Variants in EIPR1 observed in about 807,000 individuals in gnomAD.
The protein encoded by EIPR1 is EARP complex and GARP complex interacting protein 1.
In EIPR1, 25 loss-of-function variants were observed where a neutral mutation model predicts 48.1. That is an observed-to-expected ratio of 0.52 (90% CI 0.38 to 0.73). EIPR1 has a LOEUF of 0.73. Among genes scored for constraint, EIPR1 ranks in the 30% least tolerant of loss-of-function variants. EIPR1 has a pLI of 0.00. For missense variants in EIPR1, 415 were observed against 506.2 expected (o/e 0.82, Z 1.73); for synonymous variants, 204 against 201.9 (o/e 1.01, Z -0.09).
At chr2:3,199,304 C>A (rs1458610238) in intron 5 of EIPR1, among the ~76,000 whole-genome samples, 1 of 152,074 alleles carries the variant, frequency 6.6e-6, no homozygotes, top group Admixed American at 6.5e-5. Flanking sequence ...GCTTTACGAA[C>A]AATGTGTGCA....
intron 4 of EIPR1, among the ~76,000 whole-genome samples, chr2:3,227,528 T>C (rs947298030): frequency 1.1e-4 from 16 of 152,144 alleles, no homozygotes; most frequent in African/African-American, 3.6e-4. Flanking sequence ...GACTATGTAA[T>C]AGAAAAGAAA....
chr2:3,289,122 G>A (rs1388457859), intron 3 of EIPR1, among the ~76,000 whole-genome samples: 2 of 152,182 alleles, frequency 1.3e-5, no homozygotes, highest in African/African-American at 2.4e-5. Context: ...CTCCCCACCG[G>A]TTTCAGGGGA....
chr2:3,287,866 C>G lies in EIPR1; in HGVS notation c.260-30411G>C, dbSNP rs34403688. On this transcript the variant is annotated intron_variant, in intron 3 of 8. Transcript: ENST00000382125. Reference sequence around the variant, plus strand: ...CACCATGCTCCAGAAAGCTCATTCACCATGCTCCAGAAAGCTCATTCGGCA... The same window carrying G: ...CACCATGCTCCAGAAAGCTCATTCAGCATGCTCCAGAAAGCTCATTCGGCA... 7.8e-3 allele frequency among the ~76,000 whole-genome samples: 1,122 copies of G among 143,218 alleles called. 17 individuals are homozygous for G. Among genetic ancestry groups the G allele is most frequent in the African/African-American group, 0.014 (519 of 37,172 alleles). 94.0% of individuals were successfully genotyped at this position (143,218 alleles called of 152,430 possible). A position where few individuals can be genotyped will look rare whatever the true frequency, so the allele number is the denominator to read the frequency against.
chr2:3,309,063 G>A (rs1003221138), intron 3 of EIPR1, among the ~76,000 whole-genome samples: 2 of 152,104 alleles, frequency 1.3e-5, no homozygotes, highest in African/African-American at 4.8e-5. Flanking sequence ...ACAACGAATG[G>A]GCAAAAACCA....
chr2:3,202,646 C>T (rs577782949), intron 5 of EIPR1, among the ~76,000 whole-genome samples: 1 of 152,260 alleles, frequency 6.6e-6, no homozygotes, highest in South Asian at 2.1e-4. Context: ...AGGGGAAGGC[C>T]CGAAATCTTG....
At chr2:3,377,233 G>A (rs1333354237) in intron 1 of EIPR1, 2 of 176,820 alleles carry the variant, frequency 1.1e-5, no homozygotes, top group Non-Finnish European at 2.4e-5. Flanking sequence ...GGGTAAAGAA[G>A]AACTTTCTAT....
chr2:3,269,623 T>C (rs1400871290), intron 3 of EIPR1, among the ~76,000 whole-genome samples: 1 of 132,618 alleles, frequency 7.5e-6, no homozygotes, highest in African/African-American at 2.8e-5. Flanking sequence ...ATCACAATCA[T>C]CGCACTCAAT....
intron 3 of EIPR1, among the ~76,000 whole-genome samples, chr2:3,290,137 G>A (rs1294937248): frequency 6.6e-6 from 1 of 152,242 alleles, no homozygotes; most frequent in Non-Finnish European, 1.5e-5. Context: ...AGGGCAAGGT[G>A]TGTAGCTGGT....
rs73909796 is a variant in EIPR1 at position 3,235,643 on chromosome 2, T to A, written c.417-21395A>T. Among the ~76,000 whole-genome samples the A allele has an allele frequency of 3.7e-3, 566 of 152,352 alleles. 3 individuals carry two copies. The highest frequency in any genetic ancestry group is 0.013 in the African/African-American group (549 of 41,586). ...TGAAGAAGTCTCAAATGAACTTAAT[T>A]CAACTCTAAGTTTTTGCCAAACTTA... On this transcript the variant is annotated intron_variant, in intron 4 of 8. Coordinates refer to ENST00000382125, the MANE Select transcript of EIPR1 (RefSeq NM_003310.5).
At position 3,349,046 on chromosome 2, in the gene EIPR1, A is replaced by G. The variant is rs572553981; in HGVS notation, c.126+5504T>C. On this transcript the variant is annotated intron_variant, in intron 2 of 8. Transcript: ENST00000382125. ...GGACATCTCACCCCAGAGACACGGC[A>G]TGGCAACAGCACGGGTGCACCCTTT... Among the ~76,000 whole-genome samples the G allele has an allele frequency of 2.6e-5, 4 of 152,358 alleles. No homozygotes were observed. In the East Asian group the frequency reaches 7.7e-4, roughly 29 times the overall value.
chr2:3,241,868 TTTC>T (rs1223762989), intron 4 of EIPR1, among the ~76,000 whole-genome samples: 1 of 152,204 alleles, frequency 6.6e-6, no homozygotes, highest in African/African-American at 2.4e-5. Context: ...AATGCATACT[TTTC>T]TTCTTCAAAT....
intron 7 of EIPR1, 103 bp downstream of exon 7, chr2:3,193,896 G>C (rs1411805400): frequency 1.5e-6 from 2 of 1,301,382 alleles, no homozygotes; most frequent in Non-Finnish European, 2.1e-6. Context: ...ATGATTCACA[G>C]CAGCACAAAC....
intron 1 of EIPR1, among the ~76,000 whole-genome samples, chr2:3,364,028 A>T (rs1294272136): frequency 5.3e-5 from 8 of 152,196 alleles, no homozygotes; most frequent in Non-Finnish European, 8.8e-5. Flanking sequence ...GCTGGCAAGG[A>T]TGTAGAGAGA....
intron 1 of EIPR1, among the ~76,000 whole-genome samples, chr2:3,370,439 C>T (rs1207669948): frequency 5.9e-5 from 9 of 152,210 alleles, no homozygotes; most frequent in African/African-American, 2.2e-4. Flanking sequence ...CAAACTACTC[C>T]GAGCTACAGG....
intron 4 of EIPR1, among the ~76,000 whole-genome samples, chr2:3,237,177 G>T (rs1270584522): frequency 6.9e-6 from 1 of 145,136 alleles, no homozygotes; most frequent in Non-Finnish European, 1.5e-5. Context: ...TTAACCTGAG[G>T]AAAGAAGATC....
rs76160716 is a variant in EIPR1, at chr2:3,366,587, T to C, written c.42+11061A>G. Among the ~76,000 whole-genome samples the C allele has an allele frequency of 8.7e-3, 1,323 of 151,970 alleles. 125 individuals carry two copies. In the East Asian group the frequency reaches 0.2, roughly 23 times the overall value. On this transcript the variant is annotated intron_variant, in intron 1 of 8. Coordinates refer to ENST00000382125, the MANE Select transcript of EIPR1 (RefSeq NM_003310.5). Reference sequence around the variant, plus strand: ...GCAAAACATCCACAAAACAATAAAATCAAGAAGTGAGTGTTCACAAGAAAA... The same window carrying C: ...GCAAAACATCCACAAAACAATAAAACCAAGAAGTGAGTGTTCACAAGAAAA...
chr2:3,257,482 G>A (rs748403820), intron 3 of EIPR1, 27 bp from the exon 4 acceptor site: 3 of 1,612,326 alleles, frequency 1.9e-6, no homozygotes, highest in Non-Finnish European at 2.5e-6. Context: ...AATGGATAAT[G>A]TCAACAGAGC....
chr2:3,303,233 G>A (rs1668812960), intron 3 of EIPR1, among the ~76,000 whole-genome samples: 1 of 152,228 alleles, frequency 6.6e-6, no homozygotes, highest in Non-Finnish European at 1.5e-5. Context: ...TGAGGGGCTG[G>A]GTGGAAGGGG....
chr2:3,327,431 G>A (rs1332554561), intron 3 of EIPR1, among the ~76,000 whole-genome samples: 9 of 152,164 alleles, frequency 5.9e-5, no homozygotes, highest in African/African-American at 1.7e-4. Context: ...TGATCTGTCC[G>A]CCTTGGCCTC....
Sources: gnomAD v4.1 joint callset for allele counts (sites outside exome capture counted in the v4.1 genomes callset) on GRCh38, gnomAD v4.1.1 for gene constraint, MANE v1.5 for transcripts, NCBI Gene and HGNC (gene_info 2026-07-23, HGNC 2026-07-21) for gene names.